The following LUZP2 variants were observed in gnomAD, a reference collection of about 807,000 sequenced individuals.
LUZP2 encodes the protein leucine zipper protein 2.
Under a neutral mutation model 51.6 loss-of-function variants are expected in LUZP2, and 52 were observed. The observed-to-expected ratio is 1.01, with a 90% CI of 0.81 to 1.27. The LOEUF (loss-of-function observed/expected upper bound fraction) is 1.27. Among genes scored for constraint, LUZP2 ranks in the 50% most tolerant of loss-of-function variants. The pLI, the probability that LUZP2 is intolerant of heterozygous loss-of-function variation, is 0.00. For synonymous variants in LUZP2, 154 were observed against 137.3 expected (o/e 1.12, Z -0.85); for missense variants, 436 against 395.4 (o/e 1.10, Z -0.87).
chr11:24,955,181 CAT>C (rs1033270509), intron 7 of LUZP2, among the ~76,000 whole-genome samples: 225 of 152,016 alleles, frequency 1.5e-3, no homozygotes, highest in African/African-American at 5.2e-3. Context: ...ATTTGAAAGA[CAT>C]ATTGATAGTT....
chr11:25,077,453 T>C (rs1859344088), intron 11 of LUZP2, 47 bp downstream of exon 11: 2 of 896,762 alleles, frequency 2.2e-6, no homozygotes. Flanking sequence ...ATTTATTGGA[T>C]CCATTGTATT....
intron 9 of LUZP2, among the ~76,000 whole-genome samples, chr11:25,011,591 A>C (rs755495145): frequency 1.3e-5 from 2 of 152,190 alleles, no homozygotes; most frequent in Non-Finnish European, 2.9e-5. Context: ...TTATATTAAA[A>C]CAAGACATAA....
At chr11:24,583,169 A>G (rs1315697591) in intron 1 of LUZP2, among the ~76,000 whole-genome samples, 2 of 152,138 alleles carry the variant, frequency 1.3e-5, no homozygotes, top group African/African-American at 2.4e-5. Context: ...ATAATATCAC[A>G]TATCATTATA....
intron 1 of LUZP2, among the ~76,000 whole-genome samples, chr11:24,502,418 C>T (rs1277508086): frequency 6.6e-6 from 1 of 151,486 alleles, no homozygotes; most frequent in Non-Finnish European, 1.5e-5. Flanking sequence ...TGGAGTCTTG[C>T]TCTGTTGCCA....
In LUZP2 at chr11:24,909,711, G is replaced by C. The variant is rs185490131; in HGVS notation, c.459+3658G>C. On this transcript the variant is annotated intron_variant, in intron 6 of 11. Transcript: ENST00000336930. The stretch of plus-strand genomic sequence containing the variant: ...AGAATTATCTTAGAGGGCCTCCCCA[G>C]CCATGTGGAATTGTGAGTCAATTAA... Among the ~76,000 whole-genome samples the C allele has an allele frequency of 1.9e-3, 293 of 152,286 alleles. 3 individuals carry two copies. The highest frequency in any genetic ancestry group is 6.9e-3 in the African/African-American group (286 of 41,562).
chr11:24,687,120 C>A (rs973165178), intron 1 of LUZP2, among the ~76,000 whole-genome samples: 1 of 152,182 alleles, frequency 6.6e-6, no homozygotes, highest in Non-Finnish European at 1.5e-5. Context: ...AAACAAAAAT[C>A]TTTATGTAGA....
chr11:24,760,601 TG>T (rs1320128461), intron 4 of LUZP2, among the ~76,000 whole-genome samples: 1 of 152,204 alleles, frequency 6.6e-6, no homozygotes, highest in Non-Finnish European at 1.5e-5. Flanking sequence ...AAAAAGTGTT[TG>T]GTTTGGGTTT....
At chr11:24,981,237 G>A (rs1856018307) in intron 8 of LUZP2, among the ~76,000 whole-genome samples, 1 of 151,798 alleles carries the variant, frequency 6.6e-6, no homozygotes, top group Admixed American at 6.6e-5. Flanking sequence ...GAACTTAATG[G>A]GCAGTAGGTA....
chr11:24,931,227 A>AAT (rs1427276253), intron 7 of LUZP2, among the ~76,000 whole-genome samples: 5 of 68,318 alleles, frequency 7.3e-5, no homozygotes, highest in Non-Finnish European at 1.2e-4. Flanking sequence ...AATAAAATAA[A>AAT]ATAAAATAAA....
chr11:24,680,389 G>A (rs1427715008), intron 1 of LUZP2, among the ~76,000 whole-genome samples: 1 of 152,152 alleles, frequency 6.6e-6, no homozygotes, highest in East Asian at 1.9e-4. Flanking sequence ...CACAAAGCAC[G>A]ATTAACAGTA....
chr11:24,971,806 T>G (rs1855745133), intron 7 of LUZP2, among the ~76,000 whole-genome samples: 1 of 151,966 alleles, frequency 6.6e-6, no homozygotes, highest in Non-Finnish European at 1.5e-5. Flanking sequence ...CAAGATCTCT[T>G]GGCTGGATTT....
chr11:25,071,825 GAAAT>G (rs1480624883), intron 10 of LUZP2, among the ~76,000 whole-genome samples: 1 of 123,902 alleles, frequency 8.1e-6, no homozygotes, highest in East Asian at 2.3e-4. Context: ...TAGTAAAAAA[GAAAT>G]AAAAAATTTA....
intron 1 of LUZP2, among the ~76,000 whole-genome samples, chr11:24,718,888 C>G (rs2716458): frequency 6.6e-6 from 1 of 151,976 alleles, no homozygotes; most frequent in Non-Finnish European, 1.5e-5. Context: ...ACAAATGATT[C>G]CTCAGGGAAT....
At chr11:24,978,507 C>T (rs1205807763) in intron 8 of LUZP2, among the ~76,000 whole-genome samples, 3 of 151,612 alleles carry the variant, frequency 2.0e-5, no homozygotes, top group African/African-American at 7.3e-5. Flanking sequence ...TTGGAATATT[C>T]TTCGTTATAT....
At chr11:25,008,159 T>A (rs11028338) in intron 9 of LUZP2, among the ~76,000 whole-genome samples, 57,840 of 152,108 alleles carry the variant, frequency 0.38, 13,374 homozygotes, top group East Asian at 0.78. Context: ...CTCGGCCTAT[T>A]GGGCTGCACT....
At chr11:24,870,412 C>G (rs1359269385) in intron 5 of LUZP2, among the ~76,000 whole-genome samples, 1 of 151,794 alleles carries the variant, frequency 6.6e-6, no homozygotes, top group East Asian at 1.9e-4. Flanking sequence ...TACCTGTTTT[C>G]CAATCATAGT....
At chr11:24,558,167 C>T (rs944651566) in intron 1 of LUZP2, among the ~76,000 whole-genome samples, 3 of 152,076 alleles carry the variant, frequency 2.0e-5, no homozygotes, top group African/African-American at 2.4e-5. Context: ...AGCTTTTAGA[C>T]TCTGGGGCTC....
intron 5 of LUZP2, among the ~76,000 whole-genome samples, chr11:24,798,585 C>T (rs529485548): frequency 1.3e-5 from 2 of 152,250 alleles, no homozygotes; most frequent in South Asian, 2.1e-4. Flanking sequence ...GTGTGCAATA[C>T]CAAATCAGAG....
In LUZP2 at chr11:24,904,660, AC is replaced by A. The variant is rs200079611; in HGVS notation, c.397-1329del. ...TGTTCTTGGTTTGTTCTAGATAGTA[AC>A]CTTTGTCAGCTGAGTAGTTTGCAAA... On this transcript the variant is annotated intron_variant, in intron 5 of 11. Transcript: ENST00000336930. 9.3e-3 allele frequency among the ~76,000 whole-genome samples: 1,416 copies of A among 152,142 alleles called. 13 individuals are homozygous for A. Among genetic ancestry groups the A allele is most frequent in the South Asian group, 0.038 (184 of 4,814 alleles).
Sources: allele counts gnomAD v4.1 joint callset (sites outside exome capture counted in the v4.1 genomes callset), GRCh38; gene constraint gnomAD v4.1.1; transcripts MANE v1.5; gene names NCBI Gene and HGNC (gene_info 2026-07-23, HGNC 2026-07-21).